Variants in NSFL1C observed in about 807,000 individuals in gnomAD.
NSFL1C encodes the protein NSFL1 cofactor p47.
A neutral mutation model predicts 43.1 loss-of-function variants in NSFL1C; 14 were observed. That is an observed-to-expected ratio of 0.32 (90% CI 0.21 to 0.51). The LOEUF (loss-of-function observed/expected upper bound fraction) is 0.51. Ranked by LOEUF, NSFL1C falls within the 20% of genes least tolerant of loss-of-function variation. The pLI is 0.98. For missense variants in NSFL1C, 406 were observed against 472.5 expected, an observed-to-expected ratio of 0.86 and a Z score of 1.30; for synonymous variants, 171 against 183.5, an observed-to-expected ratio of 0.93 and a Z score of 0.55.
At chr20:1,450,125 TTTTGAA>T in intron 7 of NSFL1C, among the ~76,000 whole-genome samples, 1 of 152,334 alleles carries the variant, frequency 6.6e-6, no homozygotes, top group African/African-American at 2.4e-5. Flanking sequence ...ATAATTAAGA[TTTTGAA>T]AAAGCCCAGT....
chr20:1,458,072 C>G, intron 3 of NSFL1C, 128 bp downstream of exon 3: 1 of 773,172 alleles, frequency 1.3e-6, no homozygotes, highest in South Asian at 1.5e-5. Context: ...ATAACCCACA[C>G]AGACCAGCCC....
chr20:1,450,342 G>GT (rs149271183), intron 7 of NSFL1C, among the ~76,000 whole-genome samples: 130 of 148,290 alleles, frequency 8.8e-4, no homozygotes, highest in Admixed American at 2.6e-3. Flanking sequence ...AACTGTGGCT[G>GT]TTTTTTTTTT....
Position 1,466,759 on chromosome 20 carries a change from C to T in NSFL1C, c.66G>A (p.Arg22=), listed in dbSNP as rs745782499. ...FVAVTGAEED[R]ARFFLESAGW... Reference sequence around the variant, plus strand: ...CGGCCGACTCGAGAAAGAAGCGGGCCCGGTCCTCCTCGGCGCCCGTCACCG... The same window carrying T: ...CGGCCGACTCGAGAAAGAAGCGGGCTCGGTCCTCCTCGGCGCCCGTCACCG... The change falls in exon 1 of 9, where the codon CGG becomes CGA. Residue 22 remains arginine (R), a synonymous_variant. Transcript: ENST00000216879. 49 of 1,564,522 alleles carry T rather than the reference C, an allele frequency of 3.1e-5. No individual in the cohort carries two copies. The highest frequency in any genetic ancestry group is 4.1e-5 in the Non-Finnish European group (48 of 1,157,642).
chr20:1,454,714 G>C (rs2090259502), intron 4 of NSFL1C, among the ~76,000 whole-genome samples: 1 of 152,192 alleles, frequency 6.6e-6, no homozygotes, highest in Admixed American at 6.5e-5. Flanking sequence ...CACTAAGTCA[G>C]TCAAATTTGA....
intron 3 of NSFL1C, 169 bp from the exon 4 acceptor site, chr20:1,455,301 T>C (rs2090274643): frequency 1.0e-5 from 8 of 795,144 alleles, no homozygotes; most frequent in Middle Eastern, 2.7e-4. Flanking sequence ...AAATGCAGTG[T>C]GAGCAGCAAC....
chr20:1,456,877 T>C (rs1461090225), intron 3 of NSFL1C: 2 of 152,210 alleles, frequency 1.3e-5, no homozygotes, highest in Admixed American at 6.5e-5. Flanking sequence ...TCCCATATAA[T>C]GGATTATTAT....
intron 4 of NSFL1C, among the ~76,000 whole-genome samples, chr20:1,454,760 A>C (rs543156792): frequency 1.4e-4 from 22 of 152,372 alleles, no homozygotes; most frequent in African/African-American, 4.1e-4. Flanking sequence ...AACCCAATCT[A>C]GACCATAGGC....
intron 7 of NSFL1C, among the ~76,000 whole-genome samples, chr20:1,446,798 GAAGA>G (rs1313404982): frequency 2.0e-5 from 3 of 150,356 alleles, no homozygotes; most frequent in East Asian, 1.9e-4. Flanking sequence ...CCTTTGCAAA[GAAGA>G]AAGGCCACTA....
Position 1,455,152 on chromosome 20 carries a change from C to G in NSFL1C, c.279-20G>C. The G allele has an allele frequency of 6.2e-7, 1 of 1,613,978 alleles. No homozygotes were observed. On this transcript the variant is annotated intron_variant, in intron 3 of 8. Transcript: ENST00000216879. ...TAAAACCTGTGTACAAAATACACCT[C>G]TAACATGAAACACTCATGGAAAACA...
intron 7 of NSFL1C, among the ~76,000 whole-genome samples, chr20:1,450,933 G>A (rs182472250): frequency 4.6e-5 from 7 of 152,182 alleles, no homozygotes; most frequent in Non-Finnish European, 8.8e-5. Context: ...CACTGATAAA[G>A]TAAAAAGCAG....
intron 1 of NSFL1C, among the ~76,000 whole-genome samples, chr20:1,466,386 G>A (rs1323886420): frequency 6.6e-6 from 1 of 152,236 alleles, no homozygotes; most frequent in Non-Finnish European, 1.5e-5. Context: ...ACTCGGACCA[G>A]CCCGGCCTCC....
intron 5 of NSFL1C, among the ~76,000 whole-genome samples, 159 bp downstream of exon 5, chr20:1,454,054 T>C (rs1380760465): frequency 6.6e-6 from 1 of 152,186 alleles, no homozygotes; most frequent in African/African-American, 2.4e-5. Flanking sequence ...CCTTTGATTT[T>C]CCAGTAAGCG....
chr20:1,448,730 G>A (rs2090123469), intron 7 of NSFL1C, among the ~76,000 whole-genome samples: 1 of 152,168 alleles, frequency 6.6e-6, no homozygotes, highest in Non-Finnish European at 1.5e-5. Context: ...CAGCCTATGA[G>A]GTAGGGATTC....
chr20:1,455,271 T>C (rs2090274154), intron 3 of NSFL1C, 139 bp from the exon 4 acceptor site: 5 of 948,468 alleles, frequency 5.3e-6, no homozygotes, highest in Middle Eastern at 2.2e-4. Context: ...TGGGAACACA[T>C]GGAAGGAGGC....
intron 1 of NSFL1C, among the ~76,000 whole-genome samples, chr20:1,464,862 A>C (rs766174248): frequency 1.3e-5 from 2 of 152,206 alleles, no homozygotes; most frequent in Non-Finnish European, 2.9e-5. Flanking sequence ...AAATTTGTTC[A>C]AGTTTACACA....
At position 1,454,309 on chromosome 20, in the gene NSFL1C, T is replaced by A; in HGVS notation, c.445-4A>T. 6.2e-7 allele frequency: 1 copy of A among 1,608,688 alleles called. No homozygotes were observed. Among genetic ancestry groups the A allele is most frequent in the African/African-American group, 1.3e-5 (1 of 74,934 alleles). Reference sequence around the variant, plus strand: ...GGTAGCCACCTCCTGCAAATGGCTATAAGGGACAAGTTCATACACATTTAA... The same window carrying A: ...GGTAGCCACCTCCTGCAAATGGCTAAAAGGGACAAGTTCATACACATTTAA... On this transcript the variant is annotated splice_region_variant and splice_polypyrimidine_tract_variant and intron_variant, in intron 4 of 8. Coordinates refer to ENST00000216879, the MANE Select transcript of NSFL1C (RefSeq NM_016143.5).
intron 3 of NSFL1C, chr20:1,457,123 G>A (rs971525035): frequency 1.3e-5 from 2 of 152,146 alleles, no homozygotes; most frequent in Non-Finnish European, 2.9e-5. Context: ...AAAACAAATA[G>A]TTGATGGGTA....
chr20:1,444,330 G>A (rs531963388), intron 8 of NSFL1C, among the ~76,000 whole-genome samples: 2 of 152,286 alleles, frequency 1.3e-5, no homozygotes, highest in African/African-American at 4.8e-5. Flanking sequence ...TTAGCTCCTT[G>A]GCTCCATCCC....
chr20:1,452,434 C>G (rs959712633), intron 7 of NSFL1C, 59 bp downstream of exon 7: 3 of 1,592,508 alleles, frequency 1.9e-6, no homozygotes, highest in South Asian at 1.1e-5. Context: ...TACACAGGGT[C>G]TGCTGGGCTT....
Sources: allele counts gnomAD v4.1 joint callset (sites outside exome capture counted in the v4.1 genomes callset), GRCh38; gene constraint gnomAD v4.1.1; transcripts MANE v1.5; gene names NCBI Gene and HGNC (gene_info 2026-07-23, HGNC 2026-07-21).